The following PLXDC2 variants were observed in gnomAD, a reference collection of about 807,000 sequenced individuals.
PLXDC2 encodes the protein plexin domain containing 2.
Under a neutral mutation model 68.9 loss-of-function variants are expected in PLXDC2, and 40 were observed. That is an observed-to-expected ratio of 0.58 (90% CI 0.45 to 0.76). The LOEUF (loss-of-function observed/expected upper bound fraction) is 0.76. Ranked by LOEUF, PLXDC2 falls within the 30% of genes least tolerant of loss-of-function variation. The pLI, the probability that PLXDC2 is intolerant of heterozygous loss-of-function variation, is 0.00. For missense variants in PLXDC2, 644 were observed against 661.9 expected (o/e 0.97, Z 0.30); for synonymous variants, 243 against 234.2 (o/e 1.04, Z -0.34).
chr10:20,263,603 A>C (rs560042350), intron 13 of PLXDC2, among the ~76,000 whole-genome samples: 1 of 152,196 alleles, frequency 6.6e-6, no homozygotes, highest in South Asian at 2.1e-4. Flanking sequence ...TTTGCAAACT[A>C]TGCATCTGAC....
chr10:20,110,689 C>T (rs1032234843), intron 4 of PLXDC2, among the ~76,000 whole-genome samples: 5 of 152,194 alleles, frequency 3.3e-5, no homozygotes, highest in African/African-American at 1.2e-4. Context: ...TTCCTCCCGG[C>T]AGCTGACCTT....
intron 1 of PLXDC2, among the ~76,000 whole-genome samples, chr10:19,906,998 T>C (rs1026213365): frequency 1.3e-5 from 2 of 152,248 alleles, no homozygotes; most frequent in East Asian, 1.9e-4. Context: ...CTATTTTTTT[T>C]CCCAAGCAAG....
At chr10:19,971,998 T>C (rs1309304430) in intron 1 of PLXDC2, among the ~76,000 whole-genome samples, 3 of 151,916 alleles carry the variant, frequency 2.0e-5, no homozygotes, top group African/African-American at 7.3e-5. Flanking sequence ...GCGTTGTGCA[T>C]AGAGGGAGGA....
intron 4 of PLXDC2, among the ~76,000 whole-genome samples, chr10:20,071,500 A>T (rs985776943): frequency 6.6e-6 from 1 of 151,998 alleles, no homozygotes; most frequent in Non-Finnish European, 1.5e-5. Flanking sequence ...GTCTCAGGAG[A>T]TCTGATGATT....
At chr10:19,922,995 C>G (rs1340824911) in intron 1 of PLXDC2, among the ~76,000 whole-genome samples, 1 of 152,040 alleles carries the variant, frequency 6.6e-6, no homozygotes, top group Non-Finnish European at 1.5e-5. Flanking sequence ...GAAATCTGAT[C>G]TATCTATCTC....
chr10:19,834,877 T>C (rs1324979274), intron 1 of PLXDC2, among the ~76,000 whole-genome samples: 1 of 151,992 alleles, frequency 6.6e-6, no homozygotes, highest in Non-Finnish European at 1.5e-5. Flanking sequence ...ATGTGATGTG[T>C]GTATATATGT....
chr10:19,917,778 T>A (rs1402143488), intron 1 of PLXDC2, among the ~76,000 whole-genome samples: 1 of 152,220 alleles, frequency 6.6e-6, no homozygotes, highest in Admixed American at 6.5e-5. Context: ...CTCATCTGAA[T>A]GCATTACGAT....
chr10:19,955,949 G>A (rs750975139), intron 1 of PLXDC2, among the ~76,000 whole-genome samples: 7 of 151,974 alleles, frequency 4.6e-5, no homozygotes, highest in South Asian at 2.1e-4. Flanking sequence ...CATGGTGGCG[G>A]ACACCTGTAA....
chr10:20,017,512 C>G (rs1835233097), intron 2 of PLXDC2, among the ~76,000 whole-genome samples: 1 of 152,200 alleles, frequency 6.6e-6, no homozygotes, highest in African/African-American at 2.4e-5. Flanking sequence ...GCCTAGTTCT[C>G]ACATGAAGAA....
chr10:20,196,055 G>A (rs1834833120), intron 9 of PLXDC2, among the ~76,000 whole-genome samples: 1 of 152,142 alleles, frequency 6.6e-6, no homozygotes, highest in South Asian at 2.1e-4. Context: ...AAGAAAGGGT[G>A]TCCAAAACGG....
At chr10:19,990,180 A>G (rs1834724452) in intron 1 of PLXDC2, among the ~76,000 whole-genome samples, 1 of 152,106 alleles carries the variant, frequency 6.6e-6, no homozygotes, top group Non-Finnish European at 1.5e-5. Flanking sequence ...GGTGTTGCTT[A>G]TTTATAAAAT....
intron 1 of PLXDC2, among the ~76,000 whole-genome samples, chr10:19,886,642 T>C (rs1837851451): frequency 6.6e-6 from 1 of 152,176 alleles, no homozygotes; most frequent in South Asian, 2.1e-4. Context: ...ATAGGAGCTA[T>C]CTATGACAAA....
At chr10:19,966,817 T>C (rs1327008578) in intron 1 of PLXDC2, among the ~76,000 whole-genome samples, 1 of 151,904 alleles carries the variant, frequency 6.6e-6, no homozygotes, top group African/African-American at 2.4e-5. Flanking sequence ...CATTTTTTTT[T>C]TCCCCCAGCA....
rs562942920 is a variant in PLXDC2 at position 20,250,302 on chromosome 10, C to A, written c.1473+4797C>A. ...AAAAAAAAAAAAAAAATTCATGACT[C>A]TATCCTTGAGTGTATATATCAGAGC... is the stretch of plus-strand genomic sequence containing the variant. On this transcript the variant is annotated intron_variant, in intron 13 of 13. Coordinates refer to ENST00000377252, the MANE Select transcript of PLXDC2 (RefSeq NM_032812.9). Among the ~76,000 whole-genome samples, 56 of 150,486 alleles carry A rather than the reference C, an allele frequency of 3.7e-4. 1 individual carries two copies. The highest frequency in any genetic ancestry group is 2.4e-3 in the Admixed American group (36 of 15,100).
At chr10:19,957,282 C>A (rs1834085691) in intron 1 of PLXDC2, among the ~76,000 whole-genome samples, 1 of 151,940 alleles carries the variant, frequency 6.6e-6, no homozygotes, top group South Asian at 2.1e-4. Context: ...CTTTGTAGTT[C>A]TTTGTTGACT....
At chr10:19,896,873 C>G (rs1480222133) in intron 1 of PLXDC2, among the ~76,000 whole-genome samples, 3 of 152,186 alleles carry the variant, frequency 2.0e-5, no homozygotes, top group African/African-American at 4.8e-5. Context: ...GGTAGCCTCT[C>G]TGTCTCACAA....
chr10:19,876,766 G>T (rs1218184310), intron 1 of PLXDC2, among the ~76,000 whole-genome samples: 1 of 152,046 alleles, frequency 6.6e-6, no homozygotes, highest in African/African-American at 2.4e-5. Context: ...AGATTTTTGA[G>T]TTATGACAAT....
intron 4 of PLXDC2, among the ~76,000 whole-genome samples, chr10:20,087,159 A>C (rs2131727028): frequency 6.6e-6 from 1 of 152,356 alleles, no homozygotes; most frequent in East Asian, 1.9e-4. Flanking sequence ...TCTTTCCTAC[A>C]GGAGTCAAAA....
intron 13 of PLXDC2, among the ~76,000 whole-genome samples, chr10:20,247,619 T>G (rs1375708146): frequency 6.6e-6 from 1 of 152,184 alleles, no homozygotes; most frequent in Non-Finnish European, 1.5e-5. Flanking sequence ...CTTCTGAAAC[T>G]CTATCTGCAG....
Sources: allele counts gnomAD v4.1 joint callset (sites outside exome capture counted in the v4.1 genomes callset), GRCh38; gene constraint gnomAD v4.1.1; transcripts MANE v1.5; gene names NCBI Gene and HGNC (gene_info 2026-07-23, HGNC 2026-07-21).